STIM2: variants seen among roughly 807,000 people sequenced by gnomAD.
STIM2 encodes the protein stromal interaction molecule 2.
A neutral mutation model predicts 85.8 loss-of-function variants in STIM2; 31 were observed. The observed-to-expected ratio is 0.36, with a 90% confidence interval of 0.27 to 0.49. STIM2 has a LOEUF of 0.49. STIM2 is among the 20% of genes least tolerant of loss of function. The probability of loss-of-function intolerance (pLI) is 0.98; values close to 1 mark genes in which losing one functional copy is unlikely to be tolerated. For missense variants in STIM2, 841 were observed against 927.6 expected (o/e 0.91, Z 1.21); for synonymous variants, 356 against 331.1 (o/e 1.08, Z -0.82).
At chr4:26,975,269 G>A (rs1727138985) in intron 3 of STIM2, among the ~76,000 whole-genome samples, 1 of 152,170 alleles carries the variant, frequency 6.6e-6, no homozygotes, top group Non-Finnish European at 1.5e-5. Flanking sequence ...TCTCTGTCCT[G>A]CTTTGTTCCA....
At chr4:26,887,099 A>G (rs1723279629) in intron 1 of STIM2, among the ~76,000 whole-genome samples, 1 of 152,060 alleles carries the variant, frequency 6.6e-6, no homozygotes, top group Non-Finnish European at 1.5e-5. Flanking sequence ...GATATAATTT[A>G]AAGAGCTAGG....
chr4:26,947,421 A>G (rs1725874822), intron 2 of STIM2, among the ~76,000 whole-genome samples: 1 of 152,232 alleles, frequency 6.6e-6, no homozygotes, highest in African/African-American at 2.4e-5. Context: ...ATAAAATGAT[A>G]AAGCTTGTGA....
chr4:26,873,996 T>C, intron 1 of STIM2: 1 of 884,634 alleles, frequency 1.1e-6, no homozygotes, highest in Non-Finnish European at 1.9e-6. Flanking sequence ...CCTCTCTTTC[T>C]CCTCCTGGCC....
At chr4:26,945,353 C>A (rs572273398) in intron 2 of STIM2, among the ~76,000 whole-genome samples, 1 of 152,042 alleles carries the variant, frequency 6.6e-6, no homozygotes, top group Non-Finnish European at 1.5e-5. Flanking sequence ...CATTGATGGG[C>A]GTTTAGGTTG....
At position 26,870,797 on chromosome 4, in the gene STIM2, G is replaced by A. The variant is rs76643207; in HGVS notation, c.151+9428G>A. On this transcript the variant is annotated intron_variant, in intron 1 of 11. Coordinates refer to ENST00000467087, the MANE Select transcript of STIM2 (RefSeq NM_020860.4). ...AAGGGTGATGATACATTGTGATAAG[G>A]GTAAAAGGGCCTAAGGCTATGTGCT... 4.8e-3 allele frequency among the ~76,000 whole-genome samples: 731 copies of A among 152,210 alleles called. 8 individuals are homozygous for A. The highest frequency in any genetic ancestry group is 0.017 in the African/African-American group (708 of 41,520).
intron 2 of STIM2, among the ~76,000 whole-genome samples, chr4:26,948,108 C>T (rs1440036586): frequency 1.3e-5 from 2 of 152,144 alleles, no homozygotes; most frequent in African/African-American, 4.8e-5. Flanking sequence ...TTCTTGTGCT[C>T]GAACACCTGT....
intron 10 of STIM2, among the ~76,000 whole-genome samples, chr4:27,012,122 T>G (rs1728578870): frequency 6.6e-6 from 1 of 152,106 alleles, no homozygotes; most frequent in Admixed American, 6.5e-5. Context: ...TCTCCATAGA[T>G]ACATAAGTGC....
chr4:26,890,898 C>T (rs1239371713), intron 1 of STIM2, among the ~76,000 whole-genome samples: 5 of 151,568 alleles, frequency 3.3e-5, no homozygotes, highest in Non-Finnish European at 7.4e-5. Context: ...TCCTAAGGGT[C>T]TTCACTCTGA....
At chr4:26,987,758 G>A (rs573815172) in intron 3 of STIM2, among the ~76,000 whole-genome samples, 1 of 152,326 alleles carries the variant, frequency 6.6e-6, no homozygotes, top group Admixed American at 6.5e-5. Flanking sequence ...GATGTCTCTA[G>A]GAGAATCCTG....
At chr4:26,937,866 T>C (rs1361684272) in intron 2 of STIM2, among the ~76,000 whole-genome samples, 4 of 152,224 alleles carry the variant, frequency 2.6e-5, no homozygotes, top group African/African-American at 9.6e-5. Flanking sequence ...ACACTGGCTC[T>C]ACCTCAGTTT....
intron 4 of STIM2, among the ~76,000 whole-genome samples, chr4:26,996,973 A>G (rs1727980349): frequency 6.6e-6 from 1 of 152,192 alleles, no homozygotes; most frequent in African/African-American, 2.4e-5. Context: ...AAATTGTGAC[A>G]TCACACACTT....
intron 1 of STIM2, among the ~76,000 whole-genome samples, chr4:26,897,552 G>A (rs1214105458): frequency 1.3e-5 from 2 of 152,030 alleles, no homozygotes; most frequent in Admixed American, 6.5e-5. Context: ...GAGTTATGAC[G>A]TTTTTGCTCT....
intron 2 of STIM2, among the ~76,000 whole-genome samples, chr4:26,955,309 C>T (rs62302533): frequency 0.23 from 34,297 of 146,842 alleles, 6,002 homozygotes; most frequent in East Asian, 0.41. Context: ...CAGAACTGCA[C>T]GTTTAGATTG....
intron 3 of STIM2, among the ~76,000 whole-genome samples, chr4:26,983,067 G>A (rs1401778661): frequency 6.6e-6 from 1 of 152,198 alleles, no homozygotes; most frequent in Non-Finnish European, 1.5e-5. Flanking sequence ...ACTAGCTGCT[G>A]TTAACCTGTC....
intron 1 of STIM2, chr4:26,881,444 C>CA (rs1723010959): frequency 7.2e-6 from 1 of 139,576 alleles, no homozygotes; most frequent in Non-Finnish European, 1.5e-5. Flanking sequence ...CTAGCCTGGG[C>CA]AACACAGTGA....
chr4:26,867,737 G>T (rs1318416737), intron 1 of STIM2, among the ~76,000 whole-genome samples: 1 of 152,152 alleles, frequency 6.6e-6, no homozygotes, highest in South Asian at 2.1e-4. Flanking sequence ...TAGCTATCTA[G>T]ATCTTTATAT....
At chr4:26,979,215 T>G (rs1219052144) in intron 3 of STIM2, among the ~76,000 whole-genome samples, 1 of 152,178 alleles carries the variant, frequency 6.6e-6, no homozygotes, top group African/African-American at 2.4e-5. Context: ...CAAACATGTC[T>G]GTATTGTTAA....
chr4:26,954,298 C>T (rs1413336720), intron 2 of STIM2, among the ~76,000 whole-genome samples: 2 of 152,124 alleles, frequency 1.3e-5, no homozygotes, highest in Admixed American at 1.3e-4. Flanking sequence ...CTGAGCGAAT[C>T]TTTTAAAAAG....
At chr4:27,007,425 G>T (rs1348223103) in intron 7 of STIM2, 108 bp from the exon 8 acceptor site, 1 of 744,730 alleles carries the variant, frequency 1.3e-6, no homozygotes, top group East Asian at 3.0e-5. Flanking sequence ...TTTACAAAGA[G>T]CATAATTAAA....
Sources: allele counts gnomAD v4.1 joint callset (sites outside exome capture counted in the v4.1 genomes callset), GRCh38; gene constraint gnomAD v4.1.1; transcripts MANE v1.5; gene names NCBI Gene and HGNC (gene_info 2026-07-23, HGNC 2026-07-21).